MAGI1: variants seen among roughly 807,000 people sequenced by gnomAD.
The protein encoded by MAGI1 is membrane-associated guanylate kinase, WW and PDZ domain-containing protein 1.
In MAGI1, 58 loss-of-function variants were observed where a neutral mutation model predicts 139.9. The observed-to-expected ratio is 0.41, with a 90% CI of 0.34 to 0.52. The LOEUF is 0.52. Among genes scored for constraint, MAGI1 ranks in the 20% least tolerant of loss-of-function variants. MAGI1 has a pLI of 0.12. For synonymous variants in MAGI1, 812 were observed against 737.9 expected (o/e 1.10, Z -1.63); for missense variants, 1,874 against 1,901.6 (o/e 0.99, Z 0.27).
intron 1 of MAGI1, among the ~76,000 whole-genome samples, chr3:65,812,468 T>TCTCTCTCACA (rs1176899313): frequency 2.2e-5 from 2 of 89,088 alleles, no homozygotes; most frequent in African/African-American, 6.4e-5. Context: ...TCTCTCTCTC[T>TCTCTCTCACA]CACACACACA....
chr3:65,535,615 A>G (rs1164938614), intron 2 of MAGI1, among the ~76,000 whole-genome samples: 1 of 152,254 alleles, frequency 6.6e-6, no homozygotes, highest in East Asian at 1.9e-4. Flanking sequence ...CCAAATGTTC[A>G]GTTTCTTTCT....
At chr3:65,676,013 A>G (rs2087168305) in intron 1 of MAGI1, among the ~76,000 whole-genome samples, 1 of 152,242 alleles carries the variant, frequency 6.6e-6, no homozygotes, top group Admixed American at 6.5e-5. Context: ...GAAAAACCAC[A>G]TGGTTATCTC....
At chr3:65,558,132 T>C (rs1259306367) in intron 2 of MAGI1, among the ~76,000 whole-genome samples, 3 of 152,222 alleles carry the variant, frequency 2.0e-5, no homozygotes, top group African/African-American at 7.2e-5. Flanking sequence ...ATAATTATCA[T>C]CATTCTCATG....
In MAGI1 at chr3:65,439,898, C is replaced by T. The variant is rs1553644236; in HGVS notation, c.1251G>A (p.Gln417=). Residue 417 remains glutamine (Q), a synonymous_variant, in exon 9 of 23, where the codon CAG becomes CAA. Coordinates refer to ENST00000402939, the MANE Select transcript of MAGI1 (RefSeq NM_001033057.2). ...GCCAACCTTCTGTCTGCTGCTGCTG[C>T]TGCTGCTGCTGCTGCTGTTGCTGCT... is the stretch of plus-strand genomic sequence containing the variant. ...QQQQQQQQQQ[Q]QQQQTEEWTE... 6.2e-7 allele frequency: 1 copy of T among 1,609,088 alleles called. No individual in the cohort carries two copies. Among genetic ancestry groups the T allele is most frequent in the South Asian group, 1.1e-5 (1 of 90,866 alleles).
At chr3:65,907,195 T>C (rs1284738768) in intron 1 of MAGI1, among the ~76,000 whole-genome samples, 5 of 152,230 alleles carry the variant, frequency 3.3e-5, no homozygotes, top group Admixed American at 1.3e-4. Context: ...AAAATATTAC[T>C]GCTTAACTCC....
chr3:65,904,441 C>A (rs544285585), intron 1 of MAGI1, among the ~76,000 whole-genome samples: 11 of 152,322 alleles, frequency 7.2e-5, no homozygotes. Flanking sequence ...TGGCCACTGC[C>A]CTTAGAACAA....
At chr3:65,660,185 T>C (rs1333087070) in intron 1 of MAGI1, among the ~76,000 whole-genome samples, 1 of 152,216 alleles carries the variant, frequency 6.6e-6, no homozygotes, top group Non-Finnish European at 1.5e-5. Context: ...GAGGTAAAAG[T>C]TCATTGACTT....
chr3:65,517,027 C>A (rs1221952755), intron 2 of MAGI1, among the ~76,000 whole-genome samples: 1 of 151,904 alleles, frequency 6.6e-6, no homozygotes. Flanking sequence ...CGCGCCCGGC[C>A]CCATCCCACC....
At chr3:65,424,779 A>G (rs1946884601) in intron 12 of MAGI1, among the ~76,000 whole-genome samples, 1 of 152,160 alleles carries the variant, frequency 6.6e-6, no homozygotes, top group Non-Finnish European at 1.5e-5. Context: ...TTTTCATCCA[A>G]CTTATAGGTC....
chr3:65,511,695 T>C (rs1206260448), intron 2 of MAGI1, among the ~76,000 whole-genome samples: 8 of 145,208 alleles, frequency 5.5e-5, no homozygotes, highest in African/African-American at 1.5e-4. Context: ...GACTCCCACA[T>C]ATTAATAATG....
intron 1 of MAGI1, among the ~76,000 whole-genome samples, chr3:65,839,729 T>C (rs2058742323): frequency 6.6e-6 from 1 of 152,168 alleles, no homozygotes; most frequent in African/African-American, 2.4e-5. Flanking sequence ...GCATGATCCA[T>C]AAAAGGAAAA....
intron 1 of MAGI1, among the ~76,000 whole-genome samples, chr3:65,867,057 T>G (rs1430438919): frequency 6.6e-6 from 1 of 152,214 alleles, no homozygotes; most frequent in East Asian, 1.9e-4. Context: ...AGCATGCCCT[T>G]GGGGTGAGTT....
At chr3:65,827,345 A>T (rs564695133) in intron 1 of MAGI1, among the ~76,000 whole-genome samples, 1 of 152,278 alleles carries the variant, frequency 6.6e-6, no homozygotes, top group Non-Finnish European at 1.5e-5. Flanking sequence ...AAAAACAACT[A>T]CTTCCATTTA....
At chr3:66,028,702 A>C (rs1245447858) in intron 1 of MAGI1, among the ~76,000 whole-genome samples, 1 of 152,144 alleles carries the variant, frequency 6.6e-6, no homozygotes, top group Non-Finnish European at 1.5e-5. Context: ...ATTAAAAGCA[A>C]TTCCTCACCG....
At chr3:65,979,262 T>C (rs1192817714) in intron 1 of MAGI1, among the ~76,000 whole-genome samples, 1 of 152,116 alleles carries the variant, frequency 6.6e-6, no homozygotes, top group Non-Finnish European at 1.5e-5. Flanking sequence ...ATTTGGGTCA[T>C]AATATATCTA....
At chr3:65,831,579 T>G (rs1351116045) in intron 1 of MAGI1, among the ~76,000 whole-genome samples, 1 of 152,180 alleles carries the variant, frequency 6.6e-6, no homozygotes, top group Non-Finnish European at 1.5e-5. Flanking sequence ...CTCTTGAAAG[T>G]TGGCATGCTA....
intron 2 of MAGI1, among the ~76,000 whole-genome samples, chr3:65,575,370 G>A (rs191431137): frequency 2.6e-4 from 40 of 152,150 alleles, no homozygotes; most frequent in Admixed American, 5.2e-4. Flanking sequence ...TAAAAAGACT[G>A]ACCAAAGCAA....
At chr3:66,010,219 G>A (rs2067257766) in intron 1 of MAGI1, among the ~76,000 whole-genome samples, 1 of 151,444 alleles carries the variant, frequency 6.6e-6, no homozygotes, top group South Asian at 2.1e-4. Flanking sequence ...ATAACACTAT[G>A]AAATGGGTGC....
intron 1 of MAGI1, among the ~76,000 whole-genome samples, chr3:65,871,889 G>A (rs1244256354): frequency 6.6e-6 from 1 of 152,160 alleles, no homozygotes; most frequent in Non-Finnish European, 1.5e-5. Context: ...ATGAATCACT[G>A]GCTGCTATTC....
Sources: gnomAD v4.1 joint callset for allele counts (sites outside exome capture counted in the v4.1 genomes callset) on GRCh38, gnomAD v4.1.1 for gene constraint, MANE v1.5 for transcripts, NCBI Gene and HGNC (gene_info 2026-07-23, HGNC 2026-07-21) for gene names.